The following CNIH3 variants were observed in gnomAD, a reference collection of about 807,000 sequenced individuals.
CNIH3 encodes the protein protein cornichon homolog 3.
Under a neutral mutation model 24.1 loss-of-function variants are expected in CNIH3, and 14 were observed. That is an observed-to-expected ratio of 0.58 (90% confidence interval 0.38 to 0.91). The LOEUF (loss-of-function observed/expected upper bound fraction) is 0.91, where lower values mean the gene tolerates loss of function less well. Ranked by LOEUF, CNIH3 falls within the 40% of genes least tolerant of loss-of-function variation. The pLI, the probability that CNIH3 is intolerant of heterozygous loss-of-function variation, is 0.00. For missense variants in CNIH3, 178 were observed against 196.8 expected, an observed-to-expected ratio of 0.90 and a Z score of 0.57; for synonymous variants, 68 against 73.8, an observed-to-expected ratio of 0.92 and a Z score of 0.40.
intron 3 of CNIH3, among the ~76,000 whole-genome samples, chr1:224,715,678 G>A (rs1688390631): frequency 6.6e-6 from 1 of 152,204 alleles, no homozygotes; most frequent in South Asian, 2.1e-4. Context: ...TGTGTGCAGA[G>A]ATCACACGGC....
intron 4 of CNIH3, chr1:224,574,951 TAAAC>T: frequency 1.1e-6 from 1 of 901,942 alleles, no homozygotes; most frequent in Non-Finnish European, 1.9e-6. Context: ...GAGAGGATCT[TAAAC>T]AAACCTGACT....
At chr1:224,598,015 C>T (rs1461510252) in intron 3 of CNIH3, among the ~76,000 whole-genome samples, 1 of 152,056 alleles carries the variant, frequency 6.6e-6, no homozygotes, top group Non-Finnish European at 1.5e-5. Flanking sequence ...TGTGGGAAAC[C>T]CCCACCCCCA....
chr1:224,686,944 C>G (rs749403507), intron 3 of CNIH3, among the ~76,000 whole-genome samples: 1 of 152,240 alleles, frequency 6.6e-6, no homozygotes, highest in East Asian at 1.9e-4. Flanking sequence ...TACTCTACCT[C>G]TTCCTGCCTT....
At position 224,645,190 on chromosome 1, in the gene CNIH3, C is replaced by T. The variant is rs117333999; in HGVS notation, c.81+27935C>T. On this transcript the variant is annotated intron_variant, in intron 1 of 5. Coordinates refer to ENST00000272133, the MANE Select transcript of CNIH3 (RefSeq NM_152495.2). ...ATGCTTACCTTATGCCTCTCCCTAC[C>T]GTGTTTGATCAGTTCTCTCTCTCTC... Among the ~76,000 whole-genome samples the T allele has an allele frequency of 4.0e-4, 61 of 152,280 alleles. No individual in the cohort carries two copies. The East Asian group carries it at 8.9e-3, about 22-fold the overall frequency.
At chr1:224,588,982 T>C (rs1486893674), downstream of CNIH3, among the ~76,000 whole-genome samples, 1 of 150,742 alleles carries the variant, frequency 6.6e-6, no homozygotes, top group Non-Finnish European at 1.5e-5. Flanking sequence ...TTTTTTTTTT[T>C]TGGAGCCATT....
At chr1:224,525,891 G>A (rs541947482) in intron 2 of CNIH3, among the ~76,000 whole-genome samples, 2 of 152,224 alleles carry the variant, frequency 1.3e-5, no homozygotes, top group East Asian at 3.9e-4. Context: ...GCTCTAAGGA[G>A]GCACTGGACA....
At chr1:224,479,968 T>C (rs968241969) in intron 1 of CNIH3, among the ~76,000 whole-genome samples, 5 of 152,166 alleles carry the variant, frequency 3.3e-5, no homozygotes, top group African/African-American at 1.2e-4. Flanking sequence ...AGACTCTGTG[T>C]GGGGGCTTCG....
At chr1:224,574,863 T>A (rs1252677172) in intron 4 of CNIH3, 25 of 978,798 alleles carry the variant, frequency 2.6e-5, no homozygotes, top group Non-Finnish European at 3.8e-5. Flanking sequence ...TCTGGACACA[T>A]GGGCGGGCAT....
rs1285001262 is a variant in CNIH3 at position 224,618,583 on chromosome 1, G to A, written c.81+1328G>A. ...GAGAGGAGAGGGGAAACTCGGGGAG[G>A]AAGGTGGCTTCCGATCATGTAACCT... On this transcript the variant is annotated intron_variant, in intron 1 of 5. Transcript: ENST00000272133. Among the ~76,000 whole-genome samples the A allele has an allele frequency of 3.3e-5, 5 of 152,340 alleles. No homozygotes were observed. The East Asian group carries it at 9.6e-4, about 29-fold the overall frequency.
At chr1:224,682,958 C>G (rs1041965575) in intron 2 of CNIH3, among the ~76,000 whole-genome samples, 2 of 152,170 alleles carry the variant, frequency 1.3e-5, no homozygotes, top group Non-Finnish European at 2.9e-5. Context: ...GGTGAAACCA[C>G]GAAATATTTT....
At chr1:224,506,638 G>A (rs1677931098) in intron 1 of CNIH3, among the ~76,000 whole-genome samples, 2 of 152,198 alleles carry the variant, frequency 1.3e-5, no homozygotes, top group Non-Finnish European at 2.9e-5. Flanking sequence ...GGGTAACAAT[G>A]TGAGATCAGA....
At chr1:224,574,387 C>A in intron 4 of CNIH3, 1 of 473,792 alleles carries the variant, frequency 2.1e-6, no homozygotes, top group South Asian at 4.4e-5. Flanking sequence ...CTTAAAGAGT[C>A]ACTGAGGTAC....
chr1:224,619,320 CT>C (rs1683174135), intron 1 of CNIH3, among the ~76,000 whole-genome samples: 1 of 152,246 alleles, frequency 6.6e-6, no homozygotes, highest in Non-Finnish European at 1.5e-5. Context: ...TATCCTCCAG[CT>C]TCTCAATGCT....
intron 1 of CNIH3, among the ~76,000 whole-genome samples, chr1:224,440,505 A>C (rs1245367293): frequency 2.6e-5 from 4 of 152,210 alleles, no homozygotes; most frequent in African/African-American, 2.4e-5. Context: ...GATTACAGAC[A>C]TGAGCAACTG....
chr1:224,709,529 A>G (rs1688016309), intron 3 of CNIH3, among the ~76,000 whole-genome samples: 1 of 152,170 alleles, frequency 6.6e-6, no homozygotes, highest in East Asian at 1.9e-4. Context: ...GAGAGTATTG[A>G]AGAGGGGTGG....
chr1:224,534,820 C>T (rs921709926), intron 2 of CNIH3, among the ~76,000 whole-genome samples: 3 of 152,186 alleles, frequency 2.0e-5, no homozygotes, highest in African/African-American at 7.2e-5. Context: ...AGCCGCATTA[C>T]AGGGGCTGAT....
chr1:224,541,765 A>G (rs980707960), downstream of CNIH3, among the ~76,000 whole-genome samples: 9 of 151,996 alleles, frequency 5.9e-5, no homozygotes, highest in African/African-American at 2.2e-4. Flanking sequence ...AATTCATGGT[A>G]CTCTGTCATT....
chr1:224,480,267 C>T (rs936474925), intron 1 of CNIH3, among the ~76,000 whole-genome samples: 4 of 152,206 alleles, frequency 2.6e-5, no homozygotes, highest in African/African-American at 2.4e-5. Flanking sequence ...GTCCCTAGAC[C>T]GCACACAGCA....
intron 3 of CNIH3, among the ~76,000 whole-genome samples, chr1:224,698,698 G>GT (rs1385668940): frequency 5.9e-5 from 9 of 152,198 alleles, no homozygotes; most frequent in African/African-American, 2.2e-4. Context: ...AGGAAGGTAG[G>GT]TATAGGTGGA....
Sources: gnomAD v4.1 joint callset for allele counts (sites outside exome capture counted in the v4.1 genomes callset) on GRCh38, gnomAD v4.1.1 for gene constraint, MANE v1.5 for transcripts, NCBI Gene and HGNC (gene_info 2026-07-23, HGNC 2026-07-21) for gene names.